The following AKAP6 variants were observed in gnomAD, a reference collection of about 807,000 sequenced individuals.
AKAP6 encodes the protein A-kinase anchoring protein 6, also known as A-kinase anchor protein 6.
A neutral mutation model predicts 188.5 loss-of-function variants in AKAP6; 58 were observed. That is an observed-to-expected ratio of 0.31 (90% confidence interval 0.25 to 0.38). AKAP6 has a LOEUF of 0.38. Among genes scored for constraint, AKAP6 ranks in the 10% least tolerant of loss-of-function variants. The pLI, the probability that AKAP6 is intolerant of heterozygous loss-of-function variation, is 1.00. For missense variants in AKAP6, 2,710 were observed against 2,740.0 expected (o/e 0.99, Z 0.24); for synonymous variants, 989 against 998.6 (o/e 0.99, Z 0.18).
intron 5 of AKAP6, among the ~76,000 whole-genome samples, chr14:32,587,776 G>C (rs146826179): frequency 2.0e-4 from 31 of 152,338 alleles, no homozygotes; most frequent in Middle Eastern, 3.4e-3. Flanking sequence ...AGCTGGGCAA[G>C]ATTTGAGTGT....
chr14:32,713,728 C>T (rs2030023474), intron 9 of AKAP6, among the ~76,000 whole-genome samples: 3 of 152,158 alleles, frequency 2.0e-5, no homozygotes, highest in South Asian at 4.1e-4. Context: ...TGAGTTAGGG[C>T]CTTCCTCTGA....
At chr14:32,349,192 A>G (rs543160908) in intron 1 of AKAP6, among the ~76,000 whole-genome samples, 2 of 152,380 alleles carry the variant, frequency 1.3e-5, no homozygotes, top group South Asian at 2.1e-4. Flanking sequence ...TAGTATTTCA[A>G]AACAAAAGCT....
At position 32,428,800 on chromosome 14, in the gene AKAP6, A is replaced by G. The variant is rs544846865; in HGVS notation, c.-34-4660A>G. On this transcript the variant is annotated intron_variant, in intron 1 of 13. Transcript: ENST00000280979. ...CTTGTGGACATGAGATCGCAGAAAC[A>G]GTCCTTGTTAGTAAGCCATCCATGG... Among the ~76,000 whole-genome samples, 13 of 152,352 alleles carry G rather than the reference A, an allele frequency of 8.5e-5. No individual in the cohort carries two copies. The South Asian group carries it at 1.9e-3, about 22-fold the overall frequency.
rs531365898 is a variant in AKAP6, at chr14:32,588,394, C to A, written c.2470-11016C>A. ...GCTTTTGCAAATAATACTCAATGAA[C>A]TTTATTGTAACACCAATTGAGAGTT... On this transcript the variant is annotated intron_variant, in intron 5 of 13. Transcript: ENST00000280979. Among the ~76,000 whole-genome samples, 5 of 152,264 alleles carry A rather than the reference C, an allele frequency of 3.3e-5. No individual in the cohort carries two copies. The South Asian group carries it at 1.0e-3, about 32-fold the overall frequency.
rs372703429 is a variant in AKAP6, at chr14:32,632,642, AATC to A, written c.2730+31851_2730+31853del. ...ATGGGGAACTGAAAAGGGGATCAAAAATCTGGGCTTTGGACCATAGAAACACTG... is the reference window on the plus strand; with the variant it reads ...ATGGGGAACTGAAAAGGGGATCAAAATGGGCTTTGGACCATAGAAACACTG... On this transcript the variant is annotated intron_variant, in intron 7 of 13. Coordinates refer to ENST00000280979, the MANE Select transcript of AKAP6 (RefSeq NM_004274.5). 5.9e-5 allele frequency among the ~76,000 whole-genome samples: 9 copies of A among 152,198 alleles called. No individual in the cohort carries two copies. In the South Asian group the frequency reaches 1.9e-3, roughly 32 times the overall value.
At chr14:32,718,231 T>G (rs2030329624) in intron 9 of AKAP6, 111 of 942,698 alleles carry the variant, frequency 1.2e-4, no homozygotes, top group Non-Finnish European at 1.4e-4. Context: ...TTACTAACTT[T>G]CCCCATGGGC....
intron 1 of AKAP6, among the ~76,000 whole-genome samples, chr14:32,368,730 G>A (rs1309991698): frequency 1.1e-4 from 17 of 152,120 alleles, no homozygotes; most frequent in Admixed American, 1.1e-3. Context: ...CCCCTTACAA[G>A]CTAATAATTA....
At chr14:32,606,304 C>A (rs1956219) in intron 7 of AKAP6, among the ~76,000 whole-genome samples, 1 of 151,932 alleles carries the variant, frequency 6.6e-6, no homozygotes, top group Non-Finnish European at 1.5e-5. Context: ...ACATAGTGAA[C>A]AACACCTAAC....
At chr14:32,464,952 GACAA>G (rs1566519071) in intron 2 of AKAP6, among the ~76,000 whole-genome samples, 1 of 151,824 alleles carries the variant, frequency 6.6e-6, no homozygotes, top group South Asian at 2.1e-4. Flanking sequence ...ATCAACAATA[GACAA>G]ACAGTCAAAT....
chr14:32,365,468 A>G (rs1457287652), intron 1 of AKAP6, among the ~76,000 whole-genome samples: 1 of 152,068 alleles, frequency 6.6e-6, no homozygotes, highest in Non-Finnish European at 1.5e-5. Flanking sequence ...CCGACCATAT[A>G]ATGTGTGCTT....
chr14:32,659,858 C>G (rs1888610634), intron 7 of AKAP6, among the ~76,000 whole-genome samples: 1 of 152,072 alleles, frequency 6.6e-6, no homozygotes, highest in African/African-American at 2.4e-5. Flanking sequence ...CCATCAGTCT[C>G]AGAGGGCTAA....
At chr14:32,620,507 A>T (rs997397253) in intron 7 of AKAP6, among the ~76,000 whole-genome samples, 3 of 152,092 alleles carry the variant, frequency 2.0e-5, no homozygotes, top group Admixed American at 2.0e-4. Flanking sequence ...TGTCCTCAGG[A>T]TGAAACCCAC....
chr14:32,648,948 T>C (rs1007978834), intron 7 of AKAP6, among the ~76,000 whole-genome samples: 9 of 152,176 alleles, frequency 5.9e-5, no homozygotes, highest in African/African-American at 1.9e-4. Flanking sequence ...CTTCCACAGA[T>C]AGCCAATTTA....
chr14:32,788,177 T>C (rs1256906557), intron 12 of AKAP6, among the ~76,000 whole-genome samples: 1 of 152,166 alleles, frequency 6.6e-6, no homozygotes, highest in Non-Finnish European at 1.5e-5. Context: ...AGAGTAGATT[T>C]TCAAGAAAGC....
intron 2 of AKAP6, among the ~76,000 whole-genome samples, chr14:32,501,022 G>T (rs1880583900): frequency 1.3e-5 from 2 of 152,144 alleles, no homozygotes; most frequent in Non-Finnish European, 2.9e-5. Flanking sequence ...TGCTCTATCA[G>T]TTATTCAAGG....
At position 32,834,921 on chromosome 14, in the gene AKAP6, C is replaced by T. The variant is rs544072404; in HGVS notation, c.*5116C>T. The T allele has an allele frequency of 8.5e-5, 13 of 152,164 alleles. No homozygotes were observed. The highest frequency in any genetic ancestry group is 6.2e-4 in the South Asian group (3 of 4,830). The allele number at this position is 152,164 out of a possible 1,614,324, so 9.4% of individuals were successfully genotyped here. On this transcript the variant is annotated 3_prime_UTR_variant, in exon 14 of 14. Transcript: ENST00000280979. ...TGGTTTGACCCATTTGAACAATTGACGAGCTTCAAACAATTTTTACATTTT... is the reference window on the plus strand; with the variant it reads ...TGGTTTGACCCATTTGAACAATTGATGAGCTTCAAACAATTTTTACATTTT...
At chr14:32,706,885 A>G (rs1186392110) in intron 9 of AKAP6, among the ~76,000 whole-genome samples, 1 of 152,074 alleles carries the variant, frequency 6.6e-6, no homozygotes, top group African/African-American at 2.4e-5. Context: ...GTTGATTTCA[A>G]TTTCACTTCT....
At chr14:32,407,799 T>C (rs1022803104) in intron 1 of AKAP6, among the ~76,000 whole-genome samples, 2 of 152,022 alleles carry the variant, frequency 1.3e-5, no homozygotes, top group Non-Finnish European at 2.9e-5. Flanking sequence ...CCATACAAAA[T>C]CCCCACGGAT....
intron 5 of AKAP6, among the ~76,000 whole-genome samples, chr14:32,593,362 C>A (rs1885565936): frequency 1.3e-5 from 2 of 152,176 alleles, no homozygotes; most frequent in Non-Finnish European, 2.9e-5. Context: ...CCAACCCATG[C>A]ACTGGAGGGA....
Sources: allele counts gnomAD v4.1 joint callset (sites outside exome capture counted in the v4.1 genomes callset), GRCh38; gene constraint gnomAD v4.1.1; transcripts MANE v1.5; gene names NCBI Gene and HGNC (gene_info 2026-07-23, HGNC 2026-07-21).